Variants in GPT2 observed in about 807,000 individuals in gnomAD.
GPT2 encodes the protein alanine aminotransferase 2.
Under a neutral mutation model 56.9 loss-of-function variants are expected in GPT2, and 30 were observed. The ratio of observed to expected loss-of-function variants is 0.53; its 90% confidence interval spans 0.39 to 0.72. The LOEUF (loss-of-function observed/expected upper bound fraction) is 0.72. Among genes scored for constraint, GPT2 ranks in the 30% least tolerant of loss-of-function variants. The pLI, the probability that GPT2 is intolerant of heterozygous loss-of-function variation, is 0.00. For synonymous variants in GPT2, 271 were observed against 283.1 expected (o/e 0.96, Z 0.43); for missense variants, 542 against 703.4 (o/e 0.77, Z 2.60).
intron 6 of GPT2, chr16:46,916,175 C>G (rs554125505): frequency 1.9e-5 from 3 of 154,658 alleles, no homozygotes; most frequent in African/African-American, 7.2e-5. Flanking sequence ...GGAGAAACCC[C>G]GTCTCTACTA....
chr16:46,899,891 G>A (rs992640232), intron 3 of GPT2, among the ~76,000 whole-genome samples: 2 of 152,176 alleles, frequency 1.3e-5, no homozygotes, highest in Admixed American at 1.3e-4. Flanking sequence ...CCAGCCTGGT[G>A]CCAGCTGCCT....
intron 2 of GPT2, chr16:46,885,425 G>A: frequency 2.1e-6 from 2 of 964,080 alleles, no homozygotes; most frequent in Non-Finnish European, 2.5e-6. Flanking sequence ...CGGAAAGTTG[G>A]TTCTGTTCCC....
chr16:46,891,119 C>A (rs550795890), intron 2 of GPT2, among the ~76,000 whole-genome samples: 1 of 152,144 alleles, frequency 6.6e-6, no homozygotes, highest in Non-Finnish European at 1.5e-5. Flanking sequence ...GTGATCCACC[C>A]GCCATGGCCT....
In GPT2 at chr16:46,924,446, T is replaced by A. The variant is rs1314639257; in HGVS notation, c.1270T>A (p.Phe424Ile). Residue 424 changes from phenylalanine to isoleucine, a missense_variant, in exon 10 of 12, where the codon TTT becomes ATT. Physicochemically the swap from Phe to Ile is conservative, Grantham distance 21 (BLOSUM62 0). Coordinates refer to ENST00000340124, the MANE Select transcript of GPT2 (RefSeq NM_133443.4). The stretch of plus-strand genomic sequence containing the variant: ...AAAAGCAAAGCTGACGGAAGACCTG[T>A]TTAACCAAGTCCCAGGAATTCACTG... ...AKKAKLTEDLFNQVPGIHCNP... is the reference protein window; with the variant it reads ...AKKAKLTEDLINQVPGIHCNP... The A allele has an allele frequency of 6.2e-7, 1 of 1,614,100 alleles. No homozygotes were observed. The highest frequency in any genetic ancestry group is 8.5e-7 in the Non-Finnish European group (1 of 1,180,046).
At chr16:46,916,833 G>A in intron 7 of GPT2, 126 bp downstream of exon 7, 1 of 706,166 alleles carries the variant, frequency 1.4e-6, no homozygotes, top group Non-Finnish European at 2.5e-6. Flanking sequence ...CTGGCCTAGG[G>A]TGAGGATATT....
chr16:46,914,871 G>C (rs1277118742), intron 6 of GPT2, among the ~76,000 whole-genome samples: 7 of 152,138 alleles, frequency 4.6e-5, no homozygotes, highest in Non-Finnish European at 1.0e-4. Context: ...AGTAATGGGG[G>C]GGAGGGCACA....
intron 6 of GPT2, among the ~76,000 whole-genome samples, chr16:46,913,168 G>A (rs1311755095): frequency 6.6e-6 from 1 of 152,190 alleles, no homozygotes; most frequent in Non-Finnish European, 1.5e-5. Context: ...ACTAAGTTCT[G>A]CCCTTATCCT....
intron 10 of GPT2, among the ~76,000 whole-genome samples, chr16:46,924,781 C>T (rs1376006325): frequency 2.0e-5 from 3 of 152,248 alleles, no homozygotes; most frequent in Admixed American, 6.5e-5. Flanking sequence ...CTGATCTGGA[C>T]TCTGTGAATG....
intron 2 of GPT2, among the ~76,000 whole-genome samples, chr16:46,890,087 C>T (rs1363676479): frequency 1.3e-5 from 2 of 152,258 alleles, no homozygotes; most frequent in Non-Finnish European, 2.9e-5. Context: ...AGTGATCTGG[C>T]AGCTCAGCCC....
At chr16:46,928,308 G>A (rs887777589) in intron 11 of GPT2, among the ~76,000 whole-genome samples, 4 of 151,616 alleles carry the variant, frequency 2.6e-5, no homozygotes, top group African/African-American at 7.3e-5. Context: ...AGCTGGGGCA[G>A]CAGAGTGAGA....
intron 5 of GPT2, among the ~76,000 whole-genome samples, chr16:46,909,328 A>C (rs535448973): frequency 6.6e-6 from 1 of 152,066 alleles, no homozygotes; most frequent in Non-Finnish European, 1.5e-5. Context: ...TAAATTTTTA[A>C]GTAGGGAGGT....
chr16:46,921,271 T>G (rs183350006), intron 8 of GPT2, among the ~76,000 whole-genome samples: 11 of 152,260 alleles, frequency 7.2e-5, no homozygotes, highest in Admixed American at 7.2e-4. Flanking sequence ...CGGTCTTGGT[T>G]CAAGCAATTC....
intron 11 of GPT2, among the ~76,000 whole-genome samples, chr16:46,928,494 G>T (rs960240575): frequency 6.6e-6 from 1 of 151,200 alleles, no homozygotes; most frequent in Non-Finnish European, 1.5e-5. Context: ...GTGGTGGCAG[G>T]CATCTGTAAT....
intron 2 of GPT2, among the ~76,000 whole-genome samples, chr16:46,886,925 G>A (rs1000596457): frequency 5.3e-5 from 8 of 152,098 alleles, no homozygotes; most frequent in African/African-American, 1.9e-4. Context: ...TCATTCAAGC[G>A]CATCCCTTCT....
chr16:46,916,600 C>G (rs776425321), intron 6 of GPT2, 28 bp from the exon 7 acceptor site: 1 of 1,558,076 alleles, frequency 6.4e-7, no homozygotes, highest in South Asian at 1.1e-5. Context: ...TTACAACCGA[C>G]ATTTTGGTTT....
intron 4 of GPT2, among the ~76,000 whole-genome samples, chr16:46,901,539 C>T (rs1257226227): frequency 1.3e-5 from 2 of 152,242 alleles, no homozygotes; most frequent in African/African-American, 2.4e-5. Context: ...ATGCAGCACC[C>T]ACGCTGGGAA....
chr16:46,900,860 G>A (rs1960803829), intron 4 of GPT2, 70 bp downstream of exon 4: 1 of 1,310,920 alleles, frequency 7.6e-7, no homozygotes, highest in Non-Finnish European at 1.1e-6. Context: ...CCAGCCTCAA[G>A]CGGAGGGTCC....
At chr16:46,897,818 C>A in intron 3 of GPT2, 81 bp downstream of exon 3, 1 of 1,195,374 alleles carries the variant, frequency 8.4e-7, no homozygotes, top group Non-Finnish European at 1.2e-6. Context: ...GTCCTCTGCC[C>A]CCTCGATGTC....
chr16:46,890,797 G>T (rs1056654858), intron 2 of GPT2, among the ~76,000 whole-genome samples: 1 of 152,166 alleles, frequency 6.6e-6, no homozygotes, highest in African/African-American at 2.4e-5. Context: ...GTGAGTGTGC[G>T]CCTGAGACAC....
Sources: allele counts gnomAD v4.1 joint callset (sites outside exome capture counted in the v4.1 genomes callset), GRCh38; gene constraint gnomAD v4.1.1; transcripts MANE v1.5; gene names NCBI Gene and HGNC (gene_info 2026-07-23, HGNC 2026-07-21).